The following SNTB1 variants were observed in gnomAD, a reference collection of about 807,000 sequenced individuals.
SNTB1 encodes syntrophin beta 1, also known as beta-1-syntrophin.
SNTB1 carries 36 observed loss-of-function variants against 48.9 expected under a neutral mutation model. The ratio of observed to expected loss-of-function variants is 0.74; its 90% CI spans 0.56 to 0.97. The LOEUF (loss-of-function observed/expected upper bound fraction) is 0.97. Among genes scored for constraint, SNTB1 ranks in the 50% least tolerant of loss-of-function variants. The pLI, the probability that SNTB1 is intolerant of heterozygous loss-of-function variation, is 0.00. For synonymous variants in SNTB1, 299 were observed against 294.6 expected (o/e 1.01, Z -0.15); for missense variants, 786 against 703.4 (o/e 1.12, Z -1.33).
intron 3 of SNTB1, among the ~76,000 whole-genome samples, chr8:120,598,200 C>T (rs2130715719): frequency 6.6e-6 from 1 of 152,300 alleles, no homozygotes; most frequent in East Asian, 1.9e-4. Flanking sequence ...CTCAATCTGG[C>T]CTTATGTCAT....
rs781378881 is a variant in SNTB1 at position 120,693,869 on chromosome 8, C to G, written c.611G>C (p.Gly204Ala). ...CCACCCAATCTCGGATACTGGGGAT[C>G]CTTTCTTCACATAGGGCGTGGCTTC... ...MREATPYVKKGSPVSEIGWET... is the reference protein window; with the variant it reads ...MREATPYVKKASPVSEIGWET... The change falls in exon 2 of 7, where the codon GGA becomes GCA. Residue 204 changes from glycine to alanine, a missense_variant. Transcript: ENST00000517992. 4 of 1,614,000 alleles carry G rather than the reference C, an allele frequency of 2.5e-6. No individual in the cohort carries two copies. The South Asian group carries it at 4.4e-5, about 18-fold the overall frequency.
At chr8:120,607,876 C>T (rs115312871) in intron 3 of SNTB1, among the ~76,000 whole-genome samples, 209 of 152,146 alleles carry the variant, frequency 1.4e-3, no homozygotes, top group African/African-American at 4.9e-3. Flanking sequence ...AAGTCTGGAC[C>T]CTTGAAAGAA....
chr8:120,675,546 C>A lies in SNTB1; in HGVS notation c.788+18146G>T, dbSNP rs139534281. Among the ~76,000 whole-genome samples the A allele has an allele frequency of 9.1e-3, 1,384 of 152,312 alleles. 16 individuals are homozygous for A. The highest frequency in any genetic ancestry group is 0.02 in the Middle Eastern group (6 of 294). ...TAAAGGGAAGCTCTGTCATTTTGTA[C>A]TTGCACTTCCAGGAACACACATACT... On this transcript the variant is annotated intron_variant, in intron 2 of 6. Transcript: ENST00000517992.
At chr8:120,615,008 TG>T (rs1221138118) in intron 3 of SNTB1, among the ~76,000 whole-genome samples, 44 of 131,310 alleles carry the variant, frequency 3.4e-4, no homozygotes, top group Admixed American at 2.0e-3. Flanking sequence ...AAAATTAGCC[TG>T]GTGTGGTGGC....
At chr8:120,806,794 T>TG (rs1463128996) in intron 1 of SNTB1, among the ~76,000 whole-genome samples, 1 of 152,192 alleles carries the variant, frequency 6.6e-6, no homozygotes, top group Non-Finnish European at 1.5e-5. Flanking sequence ...CCCAGGGTAT[T>TG]GGGTATTCTT....
At chr8:120,722,112 C>T (rs1818671057) in intron 1 of SNTB1, among the ~76,000 whole-genome samples, 1 of 152,094 alleles carries the variant, frequency 6.6e-6, no homozygotes, top group Non-Finnish European at 1.5e-5. Context: ...TGTATATGTG[C>T]CACATTTTCT....
intron 1 of SNTB1, among the ~76,000 whole-genome samples, chr8:120,704,911 G>T (rs1178035073): frequency 1.3e-5 from 2 of 152,198 alleles, no homozygotes; most frequent in African/African-American, 4.8e-5. Flanking sequence ...AAAAGCTGTT[G>T]ATAAGAATAC....
At chr8:120,564,025 C>A (rs1815705901) in intron 4 of SNTB1, among the ~76,000 whole-genome samples, 1 of 151,700 alleles carries the variant, frequency 6.6e-6, no homozygotes, top group Non-Finnish European at 1.5e-5. Context: ...GGAGAATCAC[C>A]TGAACCTGGG....
chr8:120,560,502 T>A (rs994832008), intron 4 of SNTB1, among the ~76,000 whole-genome samples: 4 of 151,054 alleles, frequency 2.6e-5, no homozygotes, highest in Non-Finnish European at 5.9e-5. Context: ...AAATAAATAA[T>A]AAATAAATAA....
intron 3 of SNTB1, among the ~76,000 whole-genome samples, chr8:120,629,096 C>T (rs527240126): frequency 5.9e-5 from 9 of 152,266 alleles, no homozygotes; most frequent in Non-Finnish European, 1.3e-4. Flanking sequence ...TCTGGTCTTC[C>T]CCTGACTCCC....
intron 1 of SNTB1, among the ~76,000 whole-genome samples, chr8:120,790,436 G>A (rs978161099): frequency 6.6e-6 from 1 of 151,868 alleles, no homozygotes; most frequent in Non-Finnish European, 1.5e-5. Flanking sequence ...TGGAAAAGAG[G>A]AAGTCAAATT....
intron 3 of SNTB1, among the ~76,000 whole-genome samples, chr8:120,608,054 T>G (rs1359047210): frequency 6.6e-6 from 1 of 152,164 alleles, no homozygotes; most frequent in Non-Finnish European, 1.5e-5. Flanking sequence ...AGCTTGGTAA[T>G]TATCATAAAC....
intron 2 of SNTB1, among the ~76,000 whole-genome samples, chr8:120,692,254 T>A (rs1000986674): frequency 1.3e-5 from 2 of 152,128 alleles, no homozygotes; most frequent in African/African-American, 4.8e-5. Flanking sequence ...GACATTGAGC[T>A]GGGAGCCAAG....
chr8:120,796,387 C>G (rs1820119616), intron 1 of SNTB1, among the ~76,000 whole-genome samples: 2 of 152,112 alleles, frequency 1.3e-5, no homozygotes, highest in South Asian at 4.2e-4. Context: ...AATAAGATCG[C>G]ATGTGAGGTA....
chr8:120,716,185 T>C (rs1397097876), intron 1 of SNTB1, among the ~76,000 whole-genome samples: 1 of 152,176 alleles, frequency 6.6e-6, no homozygotes, highest in Non-Finnish European at 1.5e-5. Flanking sequence ...AATGAATGAA[T>C]GAATGCAGGC....
intron 3 of SNTB1, among the ~76,000 whole-genome samples, chr8:120,591,171 T>G (rs1811491983): frequency 6.6e-6 from 1 of 152,218 alleles, no homozygotes; most frequent in Non-Finnish European, 1.5e-5. Context: ...CCTCTGTCCT[T>G]GGATCATCAG....
intron 1 of SNTB1, among the ~76,000 whole-genome samples, chr8:120,787,678 A>G (rs1403644254): frequency 1.3e-5 from 2 of 152,090 alleles, no homozygotes; most frequent in Admixed American, 6.6e-5. Context: ...ATTAGACAAA[A>G]ATTACAAAAA....
chr8:120,781,166 G>A (rs1819825664), intron 1 of SNTB1, among the ~76,000 whole-genome samples: 1 of 152,162 alleles, frequency 6.6e-6, no homozygotes, highest in Non-Finnish European at 1.5e-5. Flanking sequence ...AAGTGGTGGG[G>A]AGCAAAGAGA....
intron 3 of SNTB1, among the ~76,000 whole-genome samples, chr8:120,589,022 T>C (rs758007398): frequency 3.3e-5 from 5 of 152,218 alleles, no homozygotes; most frequent in Non-Finnish European, 5.9e-5. Flanking sequence ...TCTCCTTGGA[T>C]TCCGTGCCTT....
Sources: gnomAD v4.1 joint callset for allele counts (sites outside exome capture counted in the v4.1 genomes callset) on GRCh38, gnomAD v4.1.1 for gene constraint, MANE v1.5 for transcripts, NCBI Gene and HGNC (gene_info 2026-07-23, HGNC 2026-07-21) for gene names.